EPHA6: variants seen among roughly 807,000 people sequenced by gnomAD.
The protein encoded by EPHA6 is ephrin type-A receptor 6.
EPHA6 carries 50 observed loss-of-function variants against 112.0 expected under a neutral mutation model. The observed-to-expected ratio is 0.45, with a 90% CI of 0.36 to 0.56. The LOEUF (loss-of-function observed/expected upper bound fraction) is 0.56. Among genes scored for constraint, EPHA6 ranks in the 20% least tolerant of loss-of-function variants. EPHA6 has a pLI of 0.00. For synonymous variants in EPHA6, 529 were observed against 490.7 expected, an observed-to-expected ratio of 1.08 and a Z score of -1.03; for missense variants, 1,280 against 1,417.4, an observed-to-expected ratio of 0.90 and a Z score of 1.56.
chr3:96,885,194 T>A (rs971489848), intron 2 of EPHA6, among the ~76,000 whole-genome samples: 1 of 152,154 alleles, frequency 6.6e-6, no homozygotes, highest in African/African-American at 2.4e-5. Flanking sequence ...TTGTTTTTGG[T>A]TATGTCCTTT....
At chr3:97,058,563 A>C (rs2045923419) in intron 3 of EPHA6, among the ~76,000 whole-genome samples, 1 of 152,118 alleles carries the variant, frequency 6.6e-6, no homozygotes, top group Admixed American at 6.5e-5. Context: ...TGGCCTCCCA[A>C]AGTGCTGGGA....
chr3:96,953,827 T>A (rs2041651170), intron 2 of EPHA6, among the ~76,000 whole-genome samples: 1 of 152,192 alleles, frequency 6.6e-6, no homozygotes, highest in Non-Finnish European at 1.5e-5. Flanking sequence ...TCTGTACTGC[T>A]GCTCTTCAAA....
At chr3:96,969,336 A>G (rs1172803467) in intron 2 of EPHA6, among the ~76,000 whole-genome samples, 2 of 151,972 alleles carry the variant, frequency 1.3e-5, no homozygotes, top group African/African-American at 2.4e-5. Context: ...TGTTAAGTCA[A>G]TTAATGCAGA....
rs372511038 is a variant in EPHA6 at position 97,097,535 on chromosome 3, A to C, written c.1114+109542A>C. 4.0e-3 allele frequency among the ~76,000 whole-genome samples: 612 copies of C among 151,884 alleles called. 1 individual carries two copies. Among genetic ancestry groups the C allele is most frequent in the African/African-American group, 0.014 (568 of 41,508 alleles). ...CTGAATGACCCTTTCAGTGAAGATA[A>C]AATCACATTGGTTCTTTTTTTTTTA... On this transcript the variant is annotated intron_variant, in intron 3 of 17. Transcript: ENST00000389672.
chr3:97,604,209 G>C (rs1168310141), intron 12 of EPHA6, among the ~76,000 whole-genome samples: 1 of 151,740 alleles, frequency 6.6e-6, no homozygotes, highest in Non-Finnish European at 1.5e-5. Context: ...CAGAGACAGT[G>C]AGTTGAAAAG....
In EPHA6 at chr3:97,226,326, C is replaced by T; in HGVS notation, c.1177C>T (p.His393Tyr). 1 of 1,613,688 alleles carries T rather than the reference C, an allele frequency of 6.2e-7. No homozygotes were observed. Among genetic ancestry groups the T allele is most frequent in the Non-Finnish European group, 8.5e-7 (1 of 1,179,714 alleles). ...CACAAAATGTTCTAAATGTCCTCCA[C>T]ACAGTTTAACATACATGGAAGCAAC... ...GNTKCSKCPP[H>Y]SLTYMEATSV... The change falls in exon 4 of 18, where the codon CAC becomes TAC. Residue 393 changes from histidine to tyrosine, a missense_variant. Around this residue, in one of 4 missense-constraint regions of EPHA6, gnomAD observed 878 missense variants for 999.7 expected, o/e 0.88. Transcript: ENST00000389672.
At chr3:97,398,478 T>G (rs1161855711) in intron 5 of EPHA6, among the ~76,000 whole-genome samples, 3 of 151,434 alleles carry the variant, frequency 2.0e-5, no homozygotes, top group Non-Finnish European at 3.0e-5. Flanking sequence ...TTAATTTAAA[T>G]GGCAAATTAT....
chr3:96,969,072 A>G (rs1007379700), intron 2 of EPHA6, among the ~76,000 whole-genome samples: 2 of 151,900 alleles, frequency 1.3e-5, no homozygotes, highest in Admixed American at 6.6e-5. Flanking sequence ...AACCTGGTTC[A>G]GCAGTTTAAA....
intron 3 of EPHA6, among the ~76,000 whole-genome samples, chr3:97,012,069 C>T (rs2044105830): frequency 6.6e-6 from 1 of 151,982 alleles, no homozygotes; most frequent in South Asian, 2.1e-4. Context: ...TTGGTGGGCA[C>T]CTAGGTTGAT....
chr3:96,973,728 AG>A (rs1490114735), intron 2 of EPHA6, among the ~76,000 whole-genome samples: 1 of 150,306 alleles, frequency 6.7e-6, no homozygotes, highest in Non-Finnish European at 1.5e-5. Flanking sequence ...TGGGAGGCTG[AG>A]GCAGGGAAAT....
At chr3:97,705,771 C>T (rs2033645832) in intron 14 of EPHA6, among the ~76,000 whole-genome samples, 1 of 152,172 alleles carries the variant, frequency 6.6e-6, no homozygotes, top group Non-Finnish European at 1.5e-5. Flanking sequence ...TTTAAAAGAC[C>T]TCACTCCACA....
chr3:97,234,481 T>A lies in EPHA6; in HGVS notation c.1270+8062T>A, dbSNP rs75610565. Reference sequence around the variant, plus strand: ...ACAAGAAGATTTTGTTTTTACTACTTCTAGTAAACTGCATAAGAAAAATTC... The same window carrying A: ...ACAAGAAGATTTTGTTTTTACTACTACTAGTAAACTGCATAAGAAAAATTC... On this transcript the variant is annotated intron_variant, in intron 4 of 17. Coordinates refer to ENST00000389672, the MANE Select transcript of EPHA6 (RefSeq NM_001080448.3). 4.7e-3 allele frequency among the ~76,000 whole-genome samples: 721 copies of A among 152,274 alleles called. 5 individuals carry two copies. Among genetic ancestry groups the A allele is most frequent in the African/African-American group, 0.015 (638 of 41,556 alleles).
intron 3 of EPHA6, among the ~76,000 whole-genome samples, chr3:97,011,777 T>C (rs997771494): frequency 3.3e-5 from 5 of 152,190 alleles, no homozygotes; most frequent in African/African-American, 9.7e-5. Flanking sequence ...TCAATAGTTT[T>C]TCAACCCTTA....
intron 10 of EPHA6, among the ~76,000 whole-genome samples, chr3:97,522,449 C>T (rs2092558132): frequency 6.6e-6 from 1 of 152,068 alleles, no homozygotes; most frequent in African/African-American, 2.4e-5. Flanking sequence ...ATCTGATTTG[C>T]TAGTATTTTG....
At chr3:97,245,472 C>A (rs920660841) in intron 5 of EPHA6, among the ~76,000 whole-genome samples, 5 of 151,928 alleles carry the variant, frequency 3.3e-5, no homozygotes, top group Admixed American at 1.3e-4. Context: ...GTGACTTCAA[C>A]ATATGAATAT....
At chr3:97,249,676 A>T (rs1286366319) in intron 5 of EPHA6, among the ~76,000 whole-genome samples, 1 of 152,156 alleles carries the variant, frequency 6.6e-6, no homozygotes, top group Admixed American at 6.5e-5. Flanking sequence ...TTGCCTTTCC[A>T]CCAATATGTA....
At chr3:97,514,507 A>G (rs1244674149) in intron 10 of EPHA6, among the ~76,000 whole-genome samples, 2 of 152,178 alleles carry the variant, frequency 1.3e-5, no homozygotes, top group African/African-American at 2.4e-5. Context: ...CAATGTAGTC[A>G]TCTTAGGGGA....
chr3:97,009,801 C>T (rs949816445), intron 3 of EPHA6, among the ~76,000 whole-genome samples: 1 of 152,204 alleles, frequency 6.6e-6, no homozygotes, highest in Non-Finnish European at 1.5e-5. Flanking sequence ...GGCTGGGTAG[C>T]ATGCTCACTC....
chr3:96,912,272 T>A (rs2039258206), intron 2 of EPHA6, among the ~76,000 whole-genome samples: 2 of 152,166 alleles, frequency 1.3e-5, no homozygotes, highest in African/African-American at 2.4e-5. Context: ...ACGTAGAAAG[T>A]CCTGTCATGT....
Sources: allele counts gnomAD v4.1 joint callset (sites outside exome capture counted in the v4.1 genomes callset), GRCh38; gene constraint gnomAD v4.1.1; regional missense constraint gnomAD v4.1.1; transcripts MANE v1.5; gene names NCBI Gene and HGNC (gene_info 2026-07-23, HGNC 2026-07-21).